Variants in CRMP1 observed in about 807,000 individuals in gnomAD.
The protein encoded by CRMP1 is dihydropyrimidinase-related protein 1.
Under a neutral mutation model 68.3 loss-of-function variants are expected in CRMP1, and 19 were observed. The ratio of observed to expected loss-of-function variants is 0.28; its 90% CI spans 0.19 to 0.41. The LOEUF (loss-of-function observed/expected upper bound fraction) is 0.41, where lower values mean the gene tolerates loss of function less well. CRMP1 is among the 10% of genes least tolerant of loss of function. The probability of loss-of-function intolerance (pLI) is 1.00; values close to 1 mark genes in which losing one functional copy is unlikely to be tolerated. For synonymous variants in CRMP1, 439 were observed against 399.6 expected, an observed-to-expected ratio of 1.10 and a Z score of -1.18; for missense variants, 791 against 967.4, an observed-to-expected ratio of 0.82 and a Z score of 2.42.
At chr4:5,878,923 C>G (rs906981538) in intron 1 of CRMP1, among the ~76,000 whole-genome samples, 3 of 151,994 alleles carry the variant, frequency 2.0e-5, no homozygotes, top group African/African-American at 7.3e-5. Flanking sequence ...CTTGTTGCAT[C>G]TACTCTGGAA....
chr4:5,889,545 G>A lies in CRMP1; in HGVS notation c.381+3044C>T. 6.5e-7 allele frequency: 1 copy of A among 1,531,672 alleles called. No homozygotes were observed. The highest frequency in any genetic ancestry group is 8.7e-7 in the Non-Finnish European group (1 of 1,142,948). The allele number at this position is 1,531,672 out of a possible 1,614,324, so 94.9% of individuals were successfully genotyped here. A position where few individuals can be genotyped will look rare whatever the true frequency, so the allele number is the denominator to read the frequency against. On this transcript the variant is annotated intron_variant, in intron 1 of 13. Transcript: ENST00000324989. This position sits in a 1 kb window ranked among gnomAD's most constrained non-coding sequence, Gnocchi z 4.5. ...CAGAGGGGAAAAGATGAAAGAAGAT[G>A]GAGGAAAAGGGGGAGCCCCAGCAAG... is the stretch of plus-strand genomic sequence containing the variant.
chr4:5,892,764 C>G lies in CRMP1; in HGVS notation c.206G>C (p.Arg69Pro). The change falls in exon 1 of 14, where the codon CGG becomes CCG. Residue 69 changes from arginine (R) to proline (P), a missense_variant. Transcript: ENST00000324989. This position sits in a 1 kb window ranked among gnomAD's most constrained non-coding sequence, Gnocchi z 8.6. Reference protein sequence around the residue: ...GSARTPRSAGRPDAVGLPGPG... With the variant: ...GSARTPRSAGPPDAVGLPGPG... The stretch of plus-strand genomic sequence containing the variant: ...CCCTGGCAGCCCGACCGCGTCGGGC[C>G]GGCCAGCGCTGCGCGGCGTGCGCGC... The G allele has an allele frequency of 1.6e-6, 2 of 1,235,432 alleles. No homozygotes were observed. The highest frequency in any genetic ancestry group is 3.5e-5 in the East Asian group (1 of 28,982). 76.5% of individuals were successfully genotyped at this position (1,235,432 alleles called of 1,614,324 possible). A position where few individuals can be genotyped will look rare whatever the true frequency, so the allele number is the denominator to read the frequency against.
intron 1 of CRMP1, among the ~76,000 whole-genome samples, chr4:5,885,719 T>A (rs1382885556): frequency 6.6e-6 from 1 of 152,132 alleles, no homozygotes; most frequent in Non-Finnish European, 1.5e-5. Context: ...CCTTAACACT[T>A]CACTAACACT....
At chr4:5,835,674 GAGAC>G (rs1720680520) in intron 11 of CRMP1, among the ~76,000 whole-genome samples, 1 of 152,176 alleles carries the variant, frequency 6.6e-6, no homozygotes, top group Non-Finnish European at 1.5e-5. Flanking sequence ...CAGGAGCAAA[GAGAC>G]AGAGAGAGAG....
In CRMP1 at chr4:5,866,825, T is replaced by G; in HGVS notation, c.382-69A>C. 9.1e-7 allele frequency: 1 copy of G among 1,102,982 alleles called. No homozygotes were observed. The highest frequency in any genetic ancestry group is 2.7e-5 in the Admixed American group (1 of 37,278). 68.3% of individuals were successfully genotyped at this position (1,102,982 alleles called of 1,614,324 possible). ...AGGATAAAGTTTTTTCTTTTTAATT[T>G]TTAATATAAGAATTATCAAATATTT... is the stretch of plus-strand genomic sequence containing the variant. On this transcript the variant is annotated intron_variant, in intron 1 of 13. Transcript: ENST00000324989. This position sits in a 1 kb window ranked among gnomAD's most constrained non-coding sequence, Gnocchi z 5.9.
rs918895424 is a variant in CRMP1 at position 5,842,680 on chromosome 4, A to T, written c.1032+413T>A. Among the ~76,000 whole-genome samples, 4 of 146,700 alleles carry T rather than the reference A, an allele frequency of 2.7e-5. No individual in the cohort carries two copies. Among genetic ancestry groups the T allele is most frequent in the African/African-American group, 1.1e-4 (4 of 36,836 alleles). Reference sequence around the variant, plus strand: ...CACACACACTAACATACACACACTCACACACACACATACACACACAGCCAG... The same window carrying T: ...CACACACACTAACATACACACACTCTCACACACACATACACACACAGCCAG... On this transcript the variant is annotated intron_variant, in intron 7 of 13. Coordinates refer to ENST00000324989, the MANE Select transcript of CRMP1 (RefSeq NM_001014809.3). The surrounding 1 kb of genome is among the most constrained non-coding windows in gnomAD (Gnocchi z 4.5).
intron 4 of CRMP1, among the ~76,000 whole-genome samples, chr4:5,852,199 A>C (rs986216814): frequency 6.6e-6 from 1 of 152,260 alleles, no homozygotes; most frequent in Non-Finnish European, 1.5e-5. Context: ...TAAAGACATC[A>C]ACAGTGACAG....
Position 5,892,970 on chromosome 4 carries a change from A to T in CRMP1, c.-1T>A. 1 of 1,209,134 alleles carries T rather than the reference A, an allele frequency of 8.3e-7. No individual in the cohort carries two copies. The highest frequency in any genetic ancestry group is 1.0e-6 in the Non-Finnish European group (1 of 973,706). The allele number at this position is 1,209,134 out of a possible 1,614,324, so 74.9% of individuals were successfully genotyped here. A position where few individuals can be genotyped will look rare whatever the true frequency, so the allele number is the denominator to read the frequency against. ...TCCACGCGCGCCGCCGGTCCGCCAT[A>T]CCCGTCCAAGGCCGGCCACCCACCG... is the stretch of plus-strand genomic sequence containing the variant. On this transcript the variant is annotated 5_prime_UTR_variant, in exon 1 of 14. Transcript: ENST00000324989. This position sits in a 1 kb window ranked among gnomAD's most constrained non-coding sequence, Gnocchi z 8.6.
chr4:5,841,382 A>G lies in CRMP1; in HGVS notation c.1079T>C (p.Ile360Thr), dbSNP rs763505249. The change falls in exon 8 of 14, where the codon ATC (isoleucine) becomes ACC (threonine). Residue 360 changes from isoleucine (I) to threonine (T), a missense_variant. Ile to Thr is a moderately conservative substitution (Grantham distance 89). Transcript: ENST00000324989. The surrounding 1 kb of genome is among the most constrained non-coding windows in gnomAD (Gnocchi z 6.9). ...CTTGGTGATGTACACAGGGCAGTTG[A>G]TCCGGCCCGCAATGGTGATGGCCCG... ...VFRAITIAGR[I>T]NCPVYITKVM... The G allele has an allele frequency of 1.1e-5, 17 of 1,614,124 alleles. No homozygotes were observed. In the South Asian group the frequency reaches 1.3e-4, roughly 13 times the overall value.
At chr4:5,867,233 C>T (rs1037108656) in intron 1 of CRMP1, among the ~76,000 whole-genome samples, 2 of 151,710 alleles carry the variant, frequency 1.3e-5, no homozygotes, top group Non-Finnish European at 2.9e-5. Context: ...CCTTGATGGT[C>T]TCATAGACGT....
chr4:5,837,290 T>C (rs1225701650), intron 9 of CRMP1, among the ~76,000 whole-genome samples: 1 of 152,056 alleles, frequency 6.6e-6, no homozygotes, highest in African/African-American at 2.4e-5. Flanking sequence ...AAACAAATAC[T>C]CTTTGATATA....
At chr4:5,826,697 G>T (rs1719683153) in intron 12 of CRMP1, 1 of 152,252 alleles carries the variant, frequency 6.6e-6, no homozygotes, top group African/African-American at 2.4e-5. Context: ...ACCTGTACAG[G>T]GTCCCAGCAT....
chr4:5,862,085 C>T (rs1713607811), intron 2 of CRMP1, among the ~76,000 whole-genome samples: 1 of 152,150 alleles, frequency 6.6e-6, no homozygotes, highest in South Asian at 2.1e-4. Context: ...GAAGTGGGTG[C>T]CACACACTGT....
At position 5,860,419 on chromosome 4, in the gene CRMP1, G is replaced by T. The variant is rs951743748; in HGVS notation, c.655+607C>A. On this transcript the variant is annotated intron_variant, in intron 3 of 13. Coordinates refer to ENST00000324989, the MANE Select transcript of CRMP1 (RefSeq NM_001014809.3). The surrounding 1 kb of genome is among the most constrained non-coding windows in gnomAD (Gnocchi z 4.2). ...CTCCCACTCCTGCACACCCTCAAAT[G>T]AGAAAAACAAGTGTTGCTTAAGATT... 6.6e-6 allele frequency among the ~76,000 whole-genome samples: 1 copy of T among 152,184 alleles called. No individual in the cohort carries two copies. The highest frequency in any genetic ancestry group is 6.5e-5 in the Admixed American group (1 of 15,276).
In CRMP1 at chr4:5,861,186, A is replaced by G. The variant is rs1283760548; in HGVS notation, c.495T>C (p.Val165=). 2 of 1,614,168 alleles carry G rather than the reference A, an allele frequency of 1.2e-6. No individual in the cohort carries two copies. Among genetic ancestry groups the G allele is most frequent in the Non-Finnish European group, 8.5e-7 (1 of 1,180,010 alleles). ...CTTCAATGGTCTTCACTCCACCAGG[A>G]ACGATTAAGTTCTCTCCTATTTGTC... ...LIKQIGENLI[V]PGGVKTIEAN... The change falls in exon 3 of 14, where the codon GTT becomes GTC. Residue 165 remains valine, a synonymous_variant. Coordinates refer to ENST00000324989, the MANE Select transcript of CRMP1 (RefSeq NM_001014809.3). The surrounding 1 kb of genome is among the most constrained non-coding windows in gnomAD (Gnocchi z 6.0).
chr4:5,862,638 A>T (rs1713663389), intron 2 of CRMP1, among the ~76,000 whole-genome samples: 1 of 152,212 alleles, frequency 6.6e-6, no homozygotes, highest in Admixed American at 6.5e-5. Flanking sequence ...TCTCAGGCAA[A>T]GGCCTGGGCA....
In CRMP1 at chr4:5,888,451, C is replaced by G; in HGVS notation, c.381+4138G>C. 3 of 1,214,218 alleles carry G rather than the reference C, an allele frequency of 2.5e-6. No individual in the cohort carries two copies. Among genetic ancestry groups the G allele is most frequent in the Non-Finnish European group, 3.1e-6 (3 of 976,992 alleles). 75.2% of individuals were successfully genotyped at this position (1,214,218 alleles called of 1,614,324 possible). ...CCCCGGCTGCTCGGCCCGCCCGCCGCCGCTCCGGCTGCCAGCACCGCCCGG... is the reference window on the plus strand; with the variant it reads ...CCCCGGCTGCTCGGCCCGCCCGCCGGCGCTCCGGCTGCCAGCACCGCCCGG... On this transcript the variant is annotated intron_variant, in intron 1 of 13. Coordinates refer to ENST00000324989, the MANE Select transcript of CRMP1 (RefSeq NM_001014809.3). This position sits in a 1 kb window ranked among gnomAD's most constrained non-coding sequence, Gnocchi z 6.4.
rs766297812 is a variant in CRMP1, at chr4:5,861,050, G to C, written c.631C>G (p.Leu211Val). The stretch of plus-strand genomic sequence containing the variant: ...CTGATCATCGTGGTCCCGCCCACCA[G>C]TGCCGCCCTGGTCCCTTGGAAGAAG... ...DDFFQGTRAA[L>V]VGGTTMIIDH... is the part of the protein sequence containing the mutation. Residue 211 changes from leucine to valine, a missense_variant, in exon 3 of 14, where the codon CTG becomes GTG. Physicochemically the swap from Leu to Val is conservative, Grantham distance 32. This residue lies in a region of CRMP1 where 594 missense variants were observed against 763.6 expected (regional missense o/e 0.78). Transcript: ENST00000324989. The surrounding 1 kb of genome is among the most constrained non-coding windows in gnomAD (Gnocchi z 6.0). 2 of 1,614,168 alleles carry C rather than the reference G, an allele frequency of 1.2e-6. No individual in the cohort carries two copies. Among genetic ancestry groups the C allele is most frequent in the Non-Finnish European group, 1.7e-6 (2 of 1,180,022 alleles).
Position 5,859,491 on chromosome 4 carries a change from T to G in CRMP1, c.655+1535A>C, listed in dbSNP as rs927119227. Among the ~76,000 whole-genome samples the G allele has an allele frequency of 6.6e-6, 1 of 152,182 alleles. No individual in the cohort carries two copies. On this transcript the variant is annotated intron_variant, in intron 3 of 13. Coordinates refer to ENST00000324989, the MANE Select transcript of CRMP1 (RefSeq NM_001014809.3). The surrounding 1 kb of genome is among the most constrained non-coding windows in gnomAD (Gnocchi z 5.2). ...CATCTCTCAGAACTCTCATGTCCCA[T>G]GCACTACATGAAGGAATCTCATGTA...
Sources: allele counts gnomAD v4.1 joint callset (sites outside exome capture counted in the v4.1 genomes callset), GRCh38; gene constraint gnomAD v4.1.1; regional missense constraint gnomAD v4.1.1; non-coding constraint Gnocchi (gnomAD v3.1); transcripts MANE v1.5; gene names NCBI Gene and HGNC (gene_info 2026-07-23, HGNC 2026-07-21).